AOPEP: variants seen among roughly 807,000 people sequenced by gnomAD.
AOPEP encodes aminopeptidase O (putative).
In AOPEP, 77 loss-of-function variants were observed where a neutral mutation model predicts 98.1. That is an observed-to-expected ratio of 0.78 (90% confidence interval 0.65 to 0.95). The LOEUF (loss-of-function observed/expected upper bound fraction) is 0.95, where lower values mean the gene tolerates loss of function less well. Ranked by LOEUF, AOPEP falls within the 40% of genes least tolerant of loss-of-function variation. AOPEP has a pLI of 0.00. For missense variants in AOPEP, 1,024 were observed against 1,024.7 expected (o/e 1.00, Z 0.01); for synonymous variants, 346 against 365.3 (o/e 0.95, Z 0.60).
chr9:94,732,795 T>G (rs1156332833), intron 1 of AOPEP, among the ~76,000 whole-genome samples: 1 of 152,204 alleles, frequency 6.6e-6, no homozygotes, highest in East Asian at 1.9e-4. Flanking sequence ...AGACTATGTT[T>G]TATCAAATAA....
At chr9:95,053,200 A>G (rs1005581829) in intron 13 of AOPEP, among the ~76,000 whole-genome samples, 1 of 152,228 alleles carries the variant, frequency 6.6e-6, no homozygotes, top group Admixed American at 6.5e-5. Context: ...ATTTAAGAAA[A>G]ATATTTCAGC....
At chr9:94,840,284 A>G (rs916634255) in intron 5 of AOPEP, among the ~76,000 whole-genome samples, 2 of 152,192 alleles carry the variant, frequency 1.3e-5, no homozygotes, top group Non-Finnish European at 2.9e-5. Context: ...GGCTGTCAAT[A>G]TGTTGGATTA....
At chr9:94,737,691 T>C in intron 1 of AOPEP, among the ~76,000 whole-genome samples, 1 of 152,242 alleles carries the variant, frequency 6.6e-6, no homozygotes, top group East Asian at 1.9e-4. Flanking sequence ...TTTAGTCACT[T>C]CTTAAAATAT....
intron 5 of AOPEP, among the ~76,000 whole-genome samples, chr9:94,878,304 A>G (rs973907750): frequency 1.3e-5 from 2 of 149,960 alleles, no homozygotes; most frequent in Non-Finnish European, 3.0e-5. Context: ...TTTACCTTAA[A>G]GTCTCCAACA....
Position 94,744,264 on chromosome 9 carries a change from C to T in AOPEP, c.-135-15385C>T, listed in dbSNP as rs191911822. On this transcript the variant is annotated intron_variant, in intron 1 of 16. Transcript: ENST00000375315. ...AAAATTAGCTGGGTGTGGTGGCAGGCGCCTGTAGTCCCAGCTACTCGGGAG... is the reference window on the plus strand; with the variant it reads ...AAAATTAGCTGGGTGTGGTGGCAGGTGCCTGTAGTCCCAGCTACTCGGGAG... Among the ~76,000 whole-genome samples the T allele has an allele frequency of 6.7e-3, 1,025 of 152,062 alleles. 8 individuals carry two copies. Among genetic ancestry groups the T allele is most frequent in the African/African-American group, 0.024 (980 of 41,496 alleles).
At chr9:94,942,290 G>A (rs1004421091) in intron 7 of AOPEP, among the ~76,000 whole-genome samples, 3 of 152,088 alleles carry the variant, frequency 2.0e-5, no homozygotes, top group Non-Finnish European at 4.4e-5. Context: ...CTCATGTAAC[G>A]CCAAATTCAC....
chr9:94,902,040 A>G (rs1265454133), intron 5 of AOPEP, among the ~76,000 whole-genome samples: 2 of 152,206 alleles, frequency 1.3e-5, no homozygotes, highest in Admixed American at 6.5e-5. Flanking sequence ...TTCATTTGTA[A>G]TAAGAGCCCA....
intron 13 of AOPEP, among the ~76,000 whole-genome samples, chr9:95,026,356 C>G (rs2063833636): frequency 6.6e-6 from 1 of 152,180 alleles, no homozygotes; most frequent in African/African-American, 2.4e-5. Flanking sequence ...TGCCTATTTC[C>G]CCCTCTCCTC....
At chr9:95,088,445 G>A (rs2070817743), downstream of AOPEP, among the ~76,000 whole-genome samples, 2 of 152,178 alleles carry the variant, frequency 1.3e-5, no homozygotes, top group African/African-American at 4.8e-5. Flanking sequence ...CCGACCTCAC[G>A]TGATCCACCT....
At chr9:95,058,431 T>C (rs1216864788) in intron 13 of AOPEP, among the ~76,000 whole-genome samples, 1 of 152,220 alleles carries the variant, frequency 6.6e-6, no homozygotes, top group African/African-American at 2.4e-5. Flanking sequence ...CTTCTGTATT[T>C]AGTTAGCAAA....
chr9:94,856,538 G>A (rs909587101), intron 5 of AOPEP, among the ~76,000 whole-genome samples: 1 of 151,838 alleles, frequency 6.6e-6, no homozygotes, highest in Non-Finnish European at 1.5e-5. Flanking sequence ...CTACTTTGAA[G>A]GCTGAGGCAG....
chr9:94,764,843 ATTATC>A (rs1188985637), intron 2 of AOPEP, among the ~76,000 whole-genome samples: 2 of 152,000 alleles, frequency 1.3e-5, no homozygotes, highest in African/African-American at 4.8e-5. Flanking sequence ...AACTCTGTAT[ATTATC>A]TTTGTGATTT....
At chr9:94,858,120 G>A (rs571276214) in intron 5 of AOPEP, among the ~76,000 whole-genome samples, 1 of 151,740 alleles carries the variant, frequency 6.6e-6, no homozygotes, top group Non-Finnish European at 1.5e-5. Context: ...TAGAACCCTG[G>A]TTAATTGTTA....
At chr9:94,803,349 A>G (rs1848588973) in intron 5 of AOPEP, among the ~76,000 whole-genome samples, 1 of 152,220 alleles carries the variant, frequency 6.6e-6, no homozygotes, top group South Asian at 2.1e-4. Context: ...CCATTTCAGT[A>G]TTCTTTTTTG....
chr9:94,854,480 T>C (rs1467582926), intron 5 of AOPEP, among the ~76,000 whole-genome samples: 3 of 152,230 alleles, frequency 2.0e-5, no homozygotes, highest in Admixed American at 6.5e-5. Context: ...AATCCTGTTA[T>C]AGGTATGTGA....
chr9:95,026,286 AT>A (rs1309924421), intron 13 of AOPEP, among the ~76,000 whole-genome samples: 6 of 152,160 alleles, frequency 3.9e-5, no homozygotes. Flanking sequence ...CATCACCACA[AT>A]CTAGTTTTAA....
intron 7 of AOPEP, among the ~76,000 whole-genome samples, chr9:94,950,942 C>T (rs1007890297): frequency 6.6e-6 from 1 of 152,182 alleles, no homozygotes; most frequent in Admixed American, 6.6e-5. Flanking sequence ...TCAGGAGGCC[C>T]GATTCGAAAT....
chr9:94,823,981 T>G (rs776656088), intron 5 of AOPEP, among the ~76,000 whole-genome samples: 3 of 152,132 alleles, frequency 2.0e-5, no homozygotes, highest in Non-Finnish European at 4.4e-5. Context: ...TTGCTACTAT[T>G]TATTAAATGA....
the AOPEP span, among the ~76,000 whole-genome samples, chr9:95,145,783 G>T: frequency 6.6e-6 from 1 of 152,188 alleles, no homozygotes; most frequent in Non-Finnish European, 1.5e-5. Context: ...CCACAGGACT[G>T]TGCTCCAGAG....
Sources: allele counts gnomAD v4.1 joint callset (sites outside exome capture counted in the v4.1 genomes callset), GRCh38; gene constraint gnomAD v4.1.1; transcripts MANE v1.5; gene names NCBI Gene and HGNC (gene_info 2026-07-23, HGNC 2026-07-21).